Variants in LINGO2 observed in about 807,000 individuals in gnomAD.
The protein encoded by LINGO2 is leucine rich repeat and Ig domain containing 2, also known as leucine-rich repeat and immunoglobulin-like domain-containing nogo receptor-interacting protein 2.
A neutral mutation model predicts 30.6 loss-of-function variants in LINGO2; 14 were observed. That is an observed-to-expected ratio of 0.46 (90% CI 0.30 to 0.72). The LOEUF is 0.72. Ranked by LOEUF, LINGO2 falls within the 30% of genes least tolerant of loss-of-function variation. The pLI, the probability that LINGO2 is intolerant of heterozygous loss-of-function variation, is 0.07. For missense variants in LINGO2, 729 were observed against 751.7 expected (o/e 0.97, Z 0.35); for synonymous variants, 317 against 288.5 (o/e 1.10, Z -1.00).
At chr9:29,081,652 G>A in the LINGO2 span, among the ~76,000 whole-genome samples, 1 of 152,140 alleles carries the variant, frequency 6.6e-6, no homozygotes, top group Non-Finnish European at 1.5e-5. Context: ...GTCCCTGTTT[G>A]CAGATTACAT....
At chr9:28,801,587 A>G in the LINGO2 span, among the ~76,000 whole-genome samples, 1 of 152,112 alleles carries the variant, frequency 6.6e-6, no homozygotes, top group Non-Finnish European at 1.5e-5. Flanking sequence ...GTTCAGATCT[A>G]CATTCCTTTT....
the LINGO2 span, among the ~76,000 whole-genome samples, chr9:29,055,503 T>A: frequency 6.6e-6 from 1 of 152,204 alleles, no homozygotes; most frequent in Non-Finnish European, 1.5e-5. Flanking sequence ...AATAATGCTG[T>A]AATCAACATG....
chr9:28,935,173 T>TA, the LINGO2 span, among the ~76,000 whole-genome samples: 1 of 152,036 alleles, frequency 6.6e-6, no homozygotes, highest in Non-Finnish European at 1.5e-5. Context: ...CAATTAACAA[T>TA]AAAAAAAGAG....
chr9:28,893,979 T>A, the LINGO2 span, among the ~76,000 whole-genome samples: 1 of 148,662 alleles, frequency 6.7e-6, no homozygotes, highest in Admixed American at 6.7e-5. Context: ...TCAATTCCCA[T>A]CTATGAGTGA....
chr9:28,558,184 A>G (rs924182847), intron 1 of LINGO2, among the ~76,000 whole-genome samples: 3 of 151,560 alleles, frequency 2.0e-5, no homozygotes, highest in South Asian at 4.2e-4. Context: ...AAAAAAAACA[A>G]TGGGTCTGTT....
intron 4 of LINGO2, among the ~76,000 whole-genome samples, chr9:28,232,146 C>T (rs1431970195): frequency 2.0e-5 from 3 of 151,936 alleles, no homozygotes; most frequent in African/African-American, 7.2e-5. Context: ...TGCCTGTAAT[C>T]CAAGAACTTT....
At chr9:28,335,932 T>C (rs1825573860) in intron 3 of LINGO2, among the ~76,000 whole-genome samples, 1 of 152,114 alleles carries the variant, frequency 6.6e-6, no homozygotes, top group South Asian at 2.1e-4. Flanking sequence ...TAAGTTTACT[T>C]TTCTGTTAGA....
At chr9:29,060,084 G>A in the LINGO2 span, among the ~76,000 whole-genome samples, 4 of 152,140 alleles carry the variant, frequency 2.6e-5, no homozygotes, top group African/African-American at 7.2e-5. Flanking sequence ...TGACTCACAA[G>A]TAATTGAATA....
chr9:29,144,098 C>A, the LINGO2 span, among the ~76,000 whole-genome samples: 1 of 151,786 alleles, frequency 6.6e-6, no homozygotes, highest in Non-Finnish European at 1.5e-5. Context: ...GTCTTACTTC[C>A]GGGCTCTTAC....
chr9:29,086,027 A>T, the LINGO2 span, among the ~76,000 whole-genome samples: 1 of 152,158 alleles, frequency 6.6e-6, no homozygotes. Flanking sequence ...AAGAAAGCTC[A>T]GTGGAAAAGG....
At chr9:28,298,033 G>T (rs2134194951) in intron 3 of LINGO2, among the ~76,000 whole-genome samples, 1 of 152,290 alleles carries the variant, frequency 6.6e-6, no homozygotes, top group Middle Eastern at 3.4e-3. Flanking sequence ...TTGAAGAGAA[G>T]TCTATGAGGG....
the LINGO2 span, among the ~76,000 whole-genome samples, chr9:28,833,226 T>A: frequency 1.3e-5 from 2 of 152,124 alleles, no homozygotes; most frequent in African/African-American, 4.8e-5. Context: ...CCCCTTGACT[T>A]TTGCCATATA....
intron 4 of LINGO2, among the ~76,000 whole-genome samples, chr9:28,189,757 T>G (rs1320834450): frequency 6.6e-6 from 1 of 151,598 alleles, no homozygotes; most frequent in Non-Finnish European, 1.5e-5. Context: ...GTTCACTGCT[T>G]TACTAGTGCC....
At chr9:29,148,888 A>G in the LINGO2 span, among the ~76,000 whole-genome samples, 1 of 152,228 alleles carries the variant, frequency 6.6e-6, no homozygotes, top group Admixed American at 6.5e-5. Context: ...ATAAAGCTAT[A>G]GGGCCAACTG....
chr9:29,158,060 A>G, the LINGO2 span, among the ~76,000 whole-genome samples: 1 of 152,108 alleles, frequency 6.6e-6, no homozygotes. Context: ...AAGAGATTCT[A>G]GGCTGGGCAT....
At chr9:28,145,592 G>A (rs1827790649) in intron 4 of LINGO2, among the ~76,000 whole-genome samples, 1 of 151,988 alleles carries the variant, frequency 6.6e-6, no homozygotes, top group Admixed American at 6.6e-5. Flanking sequence ...GAAAACATCT[G>A]CTCCAGATTT....
At chr9:28,069,118 T>C (rs144577590) in intron 4 of LINGO2, among the ~76,000 whole-genome samples, 51 of 152,276 alleles carry the variant, frequency 3.3e-4, no homozygotes, top group African/African-American at 1.1e-3. Flanking sequence ...GTTTTTGGTA[T>C]AATAAATTCA....
At chr9:28,696,419 G>T in the LINGO2 span, among the ~76,000 whole-genome samples, 1 of 151,770 alleles carries the variant, frequency 6.6e-6, no homozygotes, top group Non-Finnish European at 1.5e-5. Flanking sequence ...AATGTGGAAG[G>T]GCCTCTTAAC....
At chr9:28,909,387 A>G in the LINGO2 span, among the ~76,000 whole-genome samples, 1 of 151,958 alleles carries the variant, frequency 6.6e-6, no homozygotes, top group Admixed American at 6.6e-5. Context: ...ATATAAAGTA[A>G]TTCTATAATG....
Sources: allele counts gnomAD v4.1 joint callset (sites outside exome capture counted in the v4.1 genomes callset), GRCh38; gene constraint gnomAD v4.1.1; transcripts MANE v1.5; gene names NCBI Gene and HGNC (gene_info 2026-07-23, HGNC 2026-07-21).